DPP6: variants seen among roughly 807,000 people sequenced by gnomAD.
The protein encoded by DPP6 is A-type potassium channel modulatory protein DPP6.
A neutral mutation model predicts 122.6 loss-of-function variants in DPP6; 69 were observed. The ratio of observed to expected loss-of-function variants is 0.56; its 90% CI spans 0.46 to 0.69. The LOEUF (loss-of-function observed/expected upper bound fraction) is 0.69. Ranked by LOEUF, DPP6 falls within the 30% of genes least tolerant of loss-of-function variation. The pLI is 0.00. For synonymous variants in DPP6, 418 were observed against 433.1 expected, an observed-to-expected ratio of 0.97 and a Z score of 0.43; for missense variants, 928 against 1,116.9, an observed-to-expected ratio of 0.83 and a Z score of 2.41.
intron 16 of DPP6, among the ~76,000 whole-genome samples, chr7:154,823,009 T>C (rs1488130327): frequency 6.6e-6 from 1 of 152,198 alleles, no homozygotes; most frequent in Admixed American, 6.5e-5. Context: ...TACCATACTA[T>C]ACTTTGGGGC....
chr7:154,125,470 C>T (rs968354682), intron 1 of DPP6, among the ~76,000 whole-genome samples: 2 of 152,150 alleles, frequency 1.3e-5, no homozygotes, highest in African/African-American at 2.4e-5. Context: ...GTGTAAGGAT[C>T]CTAACATGAC....
rs560007756 is a variant in DPP6 at position 154,880,368 on chromosome 7, C to T, written c.2079-520C>T. Among the ~76,000 whole-genome samples the T allele has an allele frequency of 5.3e-5, 8 of 152,332 alleles. 1 individual carries two copies. The highest frequency in any genetic ancestry group is 1.9e-4 in the African/African-American group (8 of 41,572). ...CTCATGGGAAGAATCCCTCTGTGGC[C>T]AAACAGGTACAAGACAGGGGCCTCC... On this transcript the variant is annotated intron_variant, in intron 20 of 25. Coordinates refer to ENST00000377770, the MANE Select transcript of DPP6 (RefSeq NM_130797.4).
At chr7:154,712,689 A>G (rs1223732419) in intron 7 of DPP6, among the ~76,000 whole-genome samples, 1 of 152,246 alleles carries the variant, frequency 6.6e-6, no homozygotes, top group Non-Finnish European at 1.5e-5. Context: ...CCAGCTCACT[A>G]TCAGCATAAC....
intron 1 of DPP6, among the ~76,000 whole-genome samples, chr7:154,412,685 C>A (rs998700135): frequency 2.8e-4 from 42 of 151,336 alleles, no homozygotes; most frequent in Non-Finnish European, 1.0e-4. Flanking sequence ...TTTTTTTCAA[C>A]TTTAGAAATC....
At chr7:154,213,851 A>C (rs534898710) in intron 1 of DPP6, among the ~76,000 whole-genome samples, 1 of 152,326 alleles carries the variant, frequency 6.6e-6, no homozygotes, top group Admixed American at 6.5e-5. Flanking sequence ...CAGGCCAGGG[A>C]GGAGACCCTG....
At chr7:154,654,124 A>T (rs1340050896) in intron 6 of DPP6, among the ~76,000 whole-genome samples, 1 of 152,162 alleles carries the variant, frequency 6.6e-6, no homozygotes, top group Non-Finnish European at 1.5e-5. Flanking sequence ...GGTGGCTTAA[A>T]GGATACGGGA....
chr7:153,858,707 C>A, the DPP6 span, among the ~76,000 whole-genome samples: 2 of 152,152 alleles, frequency 1.3e-5, no homozygotes, highest in South Asian at 2.1e-4. Flanking sequence ...CTTCACAGAC[C>A]TTTTTTTCCC....
chr7:154,790,231 G>A (rs1178331577), intron 10 of DPP6, among the ~76,000 whole-genome samples: 3 of 152,170 alleles, frequency 2.0e-5, no homozygotes, highest in African/African-American at 7.2e-5. Flanking sequence ...TTTGGCACCA[G>A]GTATAGTCAC....
intron 8 of DPP6, among the ~76,000 whole-genome samples, chr7:154,728,936 C>T (rs1842203661): frequency 6.6e-6 from 1 of 152,214 alleles, no homozygotes; most frequent in Non-Finnish European, 1.5e-5. Context: ...AAGGCTCCAC[C>T]TCCTAACCCC....
At chr7:154,032,029 T>A (rs929879993) in intron 1 of DPP6, among the ~76,000 whole-genome samples, 2 of 98,974 alleles carry the variant, frequency 2.0e-5, no homozygotes, top group African/African-American at 1.0e-4. Flanking sequence ...ACCCGCCTAT[T>A]TTTTTTTTTT....
rs571840843 is a variant in DPP6, at chr7:154,223,773, G to A, written c.243+170710G>A. ...GAACCCATGGAGAGGCTCTTGGGGT[G>A]AGGGTAGAGTGAGGACAACTTCACA... On this transcript the variant is annotated intron_variant, in intron 1 of 25. Transcript: ENST00000377770. 2.0e-5 allele frequency among the ~76,000 whole-genome samples: 3 copies of A among 149,156 alleles called. 1 individual carries two copies. The highest frequency in any genetic ancestry group is 2.0e-4 in the Admixed American group (3 of 15,162).
intron 6 of DPP6, among the ~76,000 whole-genome samples, chr7:154,668,771 G>T (rs990209676): frequency 6.6e-6 from 1 of 152,066 alleles, no homozygotes; most frequent in African/African-American, 2.4e-5. Context: ...ACTTAGAGAG[G>T]TTTTTGTTGT....
chr7:154,479,572 AAAGAAAAG>A (rs1823064066), intron 3 of DPP6, among the ~76,000 whole-genome samples: 1 of 112,692 alleles, frequency 8.9e-6, no homozygotes, highest in South Asian at 2.9e-4. Flanking sequence ...AAAAAAAAAA[AAAGAAAAG>A]AAAAGAAAAA....
In DPP6 at chr7:154,423,705, A is replaced by G. The variant is rs531636069; in HGVS notation, c.244-22509A>G. Among the ~76,000 whole-genome samples, 6 of 152,378 alleles carry G rather than the reference A, an allele frequency of 3.9e-5. No individual in the cohort carries two copies. In the South Asian group the frequency reaches 1.2e-3, roughly 32 times the overall value. On this transcript the variant is annotated intron_variant, in intron 1 of 25. Transcript: ENST00000377770. ...AAAGGAATAAGCAAACTATGTTGTC[A>G]AGGAACAGTTTTATTGTCAAAATGT...
chr7:154,792,673 C>T (rs753479618), intron 10 of DPP6, among the ~76,000 whole-genome samples: 6 of 152,170 alleles, frequency 3.9e-5, no homozygotes, highest in East Asian at 3.9e-4. Context: ...GGCTCTAGGA[C>T]GGGCCAGTAT....
chr7:154,263,125 A>G (rs1803146711), intron 1 of DPP6, among the ~76,000 whole-genome samples: 1 of 152,224 alleles, frequency 6.6e-6, no homozygotes, highest in Non-Finnish European at 1.5e-5. Context: ...TAGATAACCA[A>G]CAGAAAGTCT....
chr7:154,382,074 T>C (rs199588208), intron 1 of DPP6, among the ~76,000 whole-genome samples: 29 of 428 alleles, frequency 0.068, no homozygotes, highest in Non-Finnish European at 0.1. Flanking sequence ...TTTTTTTTCC[T>C]TTTTTTTTTT....
intron 5 of DPP6, among the ~76,000 whole-genome samples, chr7:154,596,086 G>C (rs1833075919): frequency 6.6e-6 from 1 of 152,152 alleles, no homozygotes; most frequent in Admixed American, 6.5e-5. Flanking sequence ...TGCCTCACAG[G>C]TTCTGACATT....
At chr7:154,602,022 T>C (rs1001125696) in intron 5 of DPP6, among the ~76,000 whole-genome samples, 2 of 121,678 alleles carry the variant, frequency 1.6e-5, no homozygotes, top group Non-Finnish European at 3.7e-5. Flanking sequence ...GTAAAAGTAA[T>C]ACTTGTTTCT....
Sources: allele counts gnomAD v4.1 joint callset (sites outside exome capture counted in the v4.1 genomes callset), GRCh38; gene constraint gnomAD v4.1.1; transcripts MANE v1.5; gene names NCBI Gene and HGNC (gene_info 2026-07-23, HGNC 2026-07-21).